The following FARP1 variants were observed in gnomAD, a reference collection of about 807,000 sequenced individuals.
FARP1 encodes FERM, ARHGEF and pleckstrin domain-containing protein 1.
FARP1 carries 52 observed loss-of-function variants against 128.8 expected under a neutral mutation model. The observed-to-expected ratio is 0.40, with a 90% CI of 0.32 to 0.51. The LOEUF (loss-of-function observed/expected upper bound fraction) is 0.51. FARP1 is among the 20% of genes least tolerant of loss of function. The pLI, the probability that FARP1 is intolerant of heterozygous loss-of-function variation, is 0.45. For missense variants in FARP1, 1,333 were observed against 1,367.9 expected (o/e 0.97, Z 0.40); for synonymous variants, 580 against 551.8 (o/e 1.05, Z -0.72).
chr13:98,310,921 G>C (rs1293382192), intron 2 of FARP1, among the ~76,000 whole-genome samples: 3 of 152,194 alleles, frequency 2.0e-5, no homozygotes, highest in African/African-American at 4.8e-5. Flanking sequence ...CTAAGAAGGA[G>C]AGGTCAAAGG....
At position 98,389,973 on chromosome 13, in the gene FARP1, C is replaced by T. The variant is rs1351316712; in HGVS notation, c.872C>T (p.Thr291Ile). Residue 291 changes from threonine to isoleucine, a missense_variant, in exon 10 of 27, where the codon ACC becomes ATC. By Grantham distance (89) the Thr-to-Ile change is moderately conservative. Transcript: ENST00000319562. Reference sequence around the variant, plus strand: ...CCTTTTTAGAGTGCGTACCAGGATACCTTGGAATTCCTGATGGCCAGTCGG... The same window carrying T: ...CCTTTTTAGAGTGCGTACCAGGATATCTTGGAATTCCTGATGGCCAGTCGG... ...RPDANSAYQD[T>I]LEFLMASRDF... 1 of 1,614,102 alleles carries T rather than the reference C, an allele frequency of 6.2e-7. No homozygotes were observed. The highest frequency in any genetic ancestry group is 1.1e-5 in the South Asian group (1 of 91,070).
At chr13:98,343,422 C>T (rs551828111) in intron 2 of FARP1, among the ~76,000 whole-genome samples, 20 of 152,194 alleles carry the variant, frequency 1.3e-4, no homozygotes, top group African/African-American at 2.9e-4. Flanking sequence ...AGGTTAATAA[C>T]GGGACACTGT....
rs188619629 is a variant in FARP1, at chr13:98,188,070, T to C, written c.-23-25150T>C. ...GTCCCTTGGATTGGGTGCAGTTTGCTCTGCTGAGCGTGAGTTGGCAGCCCT... is the reference window on the plus strand; with the variant it reads ...GTCCCTTGGATTGGGTGCAGTTTGCCCTGCTGAGCGTGAGTTGGCAGCCCT... On this transcript the variant is annotated intron_variant, in intron 1 of 26. Coordinates refer to ENST00000319562, the MANE Select transcript of FARP1 (RefSeq NM_005766.4). Among the ~76,000 whole-genome samples, 8 of 152,318 alleles carry C rather than the reference T, an allele frequency of 5.3e-5. No homozygotes were observed. The East Asian group carries it at 1.5e-3, about 29-fold the overall frequency.
At chr13:98,248,733 C>T (rs941041500) in intron 2 of FARP1, among the ~76,000 whole-genome samples, 4 of 151,846 alleles carry the variant, frequency 2.6e-5, no homozygotes, top group African/African-American at 7.3e-5. Context: ...TGAGGGTCTG[C>T]CTTCTTGTCT....
chr13:98,439,234 CG>C, intron 21 of FARP1, 38 bp downstream of exon 21: 2 of 1,466,928 alleles, frequency 1.4e-6, no homozygotes, highest in Non-Finnish European at 1.9e-6. Context: ...GGCCTGTCCT[CG>C]GGGGCAGCAG....
chr13:98,375,728 A>G (rs1889552723), intron 5 of FARP1, among the ~76,000 whole-genome samples: 2 of 152,144 alleles, frequency 1.3e-5, no homozygotes, highest in African/African-American at 4.8e-5. Context: ...TCCCGGATTC[A>G]AGTGATTCTT....
In FARP1 at chr13:98,453,371, T is replaced by C. The variant is rs1893292305; in HGVS notation, c.*5054T>C. On this transcript the variant is annotated 3_prime_UTR_variant, in exon 27 of 27. Transcript: ENST00000319562. The stretch of plus-strand genomic sequence containing the variant: ...GTAAGTCTAATTTTAAAAGAATGCA[T>C]ATAAAGACTGAGAAGATCATGATTC... 5 of 687,586 alleles carry C rather than the reference T, an allele frequency of 7.3e-6. 1 individual carries two copies. Among genetic ancestry groups the C allele is most frequent in the South Asian group, 4.0e-5 (2 of 49,554 alleles). 42.6% of individuals were successfully genotyped at this position (687,586 alleles called of 1,614,324 possible).
At chr13:98,187,194 T>G (rs1165634028) in intron 1 of FARP1, among the ~76,000 whole-genome samples, 7 of 152,152 alleles carry the variant, frequency 4.6e-5, no homozygotes, top group Non-Finnish European at 1.0e-4. Context: ...GAAACTAATG[T>G]ATCTTTCCAA....
At chr13:98,244,846 A>G in intron 2 of FARP1, 1 of 1,457,532 alleles carries the variant, frequency 6.9e-7, no homozygotes, top group Non-Finnish European at 9.0e-7. Flanking sequence ...GTAGATACAG[A>G]TGTGATCTCA....
At chr13:98,285,652 C>T (rs1013018886) in intron 2 of FARP1, among the ~76,000 whole-genome samples, 2 of 151,880 alleles carry the variant, frequency 1.3e-5, no homozygotes, top group African/African-American at 4.8e-5. Flanking sequence ...TATTTGGTCT[C>T]AACTGCTTTT....
intron 1 of FARP1, among the ~76,000 whole-genome samples, chr13:98,162,610 G>T (rs1211848947): frequency 6.6e-6 from 1 of 152,056 alleles, no homozygotes; most frequent in Non-Finnish European, 1.5e-5. Context: ...CAAATGGGTG[G>T]CAGATATACA....
intron 1 of FARP1, among the ~76,000 whole-genome samples, chr13:98,172,020 C>T (rs763925248): frequency 6.6e-5 from 10 of 152,156 alleles, no homozygotes; most frequent in Non-Finnish European, 1.3e-4. Context: ...GTCTGCCTGC[C>T]TCCTGTCAGT....
In FARP1 at chr13:98,244,582, A is replaced by G. The variant is rs1192452201; in HGVS notation, c.171+31169A>G. The G allele has an allele frequency of 1.9e-6, 3 of 1,614,076 alleles. No homozygotes were observed. The South Asian group carries it at 3.3e-5, about 18-fold the overall frequency. On this transcript the variant is annotated intron_variant, in intron 2 of 26. Transcript: ENST00000319562. ...TCCATGAAGCCCAAGCACCATTCAC[A>G]TCTAATTGAGAAGTTTGGAGAGGAC...
chr13:98,379,730 T>G (rs973716127), intron 6 of FARP1, among the ~76,000 whole-genome samples: 2 of 152,150 alleles, frequency 1.3e-5, no homozygotes, highest in Admixed American at 6.5e-5. Context: ...CTTATAATAA[T>G]TAATCCAATG....
At chr13:98,350,415 A>G (rs1037645544) in intron 3 of FARP1, among the ~76,000 whole-genome samples, 2 of 152,222 alleles carry the variant, frequency 1.3e-5, no homozygotes, top group African/African-American at 4.8e-5. Context: ...CCGTACTTAC[A>G]GTGTCCCCCG....
At chr13:98,200,579 G>A (rs1257258964) in intron 1 of FARP1, among the ~76,000 whole-genome samples, 1 of 152,102 alleles carries the variant, frequency 6.6e-6, no homozygotes, top group African/African-American at 2.4e-5. Flanking sequence ...TAAGTGACTG[G>A]CCTGATGTTC....
At chr13:98,425,746 A>C (rs1021155558) in intron 17 of FARP1, among the ~76,000 whole-genome samples, 1 of 152,234 alleles carries the variant, frequency 6.6e-6, no homozygotes, top group African/African-American at 2.4e-5. Flanking sequence ...TAAAAGTGAA[A>C]GTATATCCAA....
intron 2 of FARP1, among the ~76,000 whole-genome samples, chr13:98,336,568 G>A (rs189428487): frequency 1.2e-4 from 18 of 152,280 alleles, no homozygotes; most frequent in African/African-American, 4.1e-4. Flanking sequence ...CACTGTGCCC[G>A]GCCTAGAAAT....
chr13:98,395,631 T>A (rs1452664760), intron 13 of FARP1, 155 bp downstream of exon 13: 1 of 934,170 alleles, frequency 1.1e-6, no homozygotes, highest in East Asian at 2.6e-5. Flanking sequence ...ATTATGAGGG[T>A]GATCTGACCA....
Sources: allele counts gnomAD v4.1 joint callset (sites outside exome capture counted in the v4.1 genomes callset), GRCh38; gene constraint gnomAD v4.1.1; transcripts MANE v1.5; gene names NCBI Gene and HGNC (gene_info 2026-07-23, HGNC 2026-07-21).